Variants in TSBP1 observed in about 807,000 individuals in gnomAD.
TSBP1 encodes testis-expressed basic protein 1.
TSBP1 carries 56 observed loss-of-function variants against 68.8 expected under a neutral mutation model. That is an observed-to-expected ratio of 0.81 (90% confidence interval 0.66 to 1.02). The LOEUF (loss-of-function observed/expected upper bound fraction) is 1.02. Ranked by LOEUF, TSBP1 falls within the 50% of genes least tolerant of loss-of-function variation. The pLI is 0.00. For missense variants in TSBP1, 502 were observed against 641.2 expected (o/e 0.78, Z 2.34); for synonymous variants, 171 against 208.7 (o/e 0.82, Z 1.56).
chr6:32,338,884 G>T lies in TSBP1; in HGVS notation c.409+95C>A, dbSNP rs1769988132. 3 of 727,900 alleles carry T rather than the reference G, an allele frequency of 4.1e-6. No homozygotes were observed. Among genetic ancestry groups the T allele is most frequent in the Admixed American group, 2.7e-5 (1 of 37,058 alleles). 45.1% of individuals were successfully genotyped at this position (727,900 alleles called of 1,614,324 possible). On this transcript the variant is annotated intron_variant, in intron 11 of 22. Transcript: ENST00000612031. The surrounding 1 kb of genome is among the most constrained non-coding windows in gnomAD (Gnocchi z 5.5). The stretch of plus-strand genomic sequence containing the variant: ...GGAAAGGAATGGACAATTTGTGAAA[G>T]AAATAAAAAAATCTAGGAATATGAG...
Position 32,299,993 on chromosome 6 carries a change from C to T in TSBP1, c.623-57G>A, listed in dbSNP as rs530179267. On this transcript the variant is annotated intron_variant, in intron 21 of 22. Transcript: ENST00000612031. The stretch of plus-strand genomic sequence containing the variant: ...AGGATTTTCTAACTCAAGAGAAACC[C>T]ACCTTCCAATAGTATCCTTCCTAGG... 8.6e-6 allele frequency: 12 copies of T among 1,396,880 alleles called. No individual in the cohort carries two copies. The South Asian group carries it at 1.3e-4, about 15-fold the overall frequency. The allele number at this position is 1,396,880 out of a possible 1,614,324, so 86.5% of individuals were successfully genotyped here.
chr6:32,367,916 T>A lies in TSBP1; in HGVS notation c.166+9A>T, dbSNP rs1161974413. On this transcript the variant is annotated intron_variant, in intron 4 of 22. Transcript: ENST00000612031. ...TCATTAACTGTCTAGTAGTTCCTAA[T>A]CTATTTACCTCTACCATCCTCATAG... The A allele has an allele frequency of 6.2e-7, 1 of 1,602,422 alleles. No individual in the cohort carries two copies. Among genetic ancestry groups the A allele is most frequent in the Non-Finnish European group, 8.5e-7 (1 of 1,170,868 alleles).
intron 17 of TSBP1, chr6:32,323,384 C>A: frequency 1.4e-6 from 1 of 714,088 alleles, no homozygotes; most frequent in East Asian, 2.7e-5. Context: ...AGAGGAGATA[C>A]AAAGTAAATA....
At chr6:32,371,655 T>C in intron 1 of TSBP1, 39 bp downstream of exon 1, 1 of 1,463,888 alleles carries the variant, frequency 6.8e-7, no homozygotes. Flanking sequence ...CCTGAACTAC[T>C]AGAGTTGAGG....
intron 21 of TSBP1, 114 bp downstream of exon 24, chr6:32,300,566 G>T: frequency 1.2e-6 from 1 of 849,882 alleles, no homozygotes; most frequent in Non-Finnish European, 2.0e-6. Context: ...ACTTATTGAA[G>T]AAATATTGAC....
chr6:32,336,916 A>G lies in TSBP1; in HGVS notation c.410-281T>C, dbSNP rs1416740420. ...ATTATTTGGCTTTCCCTTGTCCTAA[A>G]CTCAGTAGCAATTCAGGATATTGTG... On this transcript the variant is annotated intron_variant, in intron 11 of 22. Coordinates refer to ENST00000612031, the Ensembl canonical transcript of TSBP1. This position sits in a 1 kb window ranked among gnomAD's most constrained non-coding sequence, Gnocchi z 5.2. Among the ~76,000 whole-genome samples, 5 of 152,224 alleles carry G rather than the reference A, an allele frequency of 3.3e-5. No homozygotes were observed. The highest frequency in any genetic ancestry group is 7.3e-5 in the Non-Finnish European group (5 of 68,042).
chr6:32,328,741 C>T lies in TSBP1; in HGVS notation c.514+1848G>A, dbSNP rs182857265. Reference sequence around the variant, plus strand: ...CAAATTTTTGTATTTTTAGTAGAGACGGGGTTTCACCATGTTTGTCAGGCT... The same window carrying T: ...CAAATTTTTGTATTTTTAGTAGAGATGGGGTTTCACCATGTTTGTCAGGCT... On this transcript the variant is annotated intron_variant, in intron 16 of 22. Transcript: ENST00000612031. Among the ~76,000 whole-genome samples, 183 of 151,810 alleles carry T rather than the reference C, an allele frequency of 1.2e-3. 1 individual carries two copies. The highest frequency in any genetic ancestry group is 3.2e-3 in the African/African-American group (133 of 41,372).
At position 32,300,662 on chromosome 6, in the gene TSBP1, G is replaced by A; in HGVS notation, c.622+18C>T. ...TAGGCACAGAAATAGGTAAGGCAAGGAAATGATCCAAACTTACTGATTTTT... is the reference window on the plus strand; with the variant it reads ...TAGGCACAGAAATAGGTAAGGCAAGAAAATGATCCAAACTTACTGATTTTT... On this transcript the variant is annotated intron_variant, in intron 21 of 22. Transcript: ENST00000612031. 4 of 1,611,760 alleles carry A rather than the reference G, an allele frequency of 2.5e-6. No homozygotes were observed. The highest frequency in any genetic ancestry group is 3.4e-6 in the Non-Finnish European group (4 of 1,178,910).
intron 20 of TSBP1, among the ~76,000 whole-genome samples, chr6:32,301,042 T>C (rs1765234424): frequency 6.6e-6 from 1 of 152,074 alleles, no homozygotes; most frequent in Non-Finnish European, 1.5e-5. Flanking sequence ...TTTTTTAATA[T>C]ATTTTTTTGA....
intron 21 of TSBP1, among the ~76,000 whole-genome samples, 193 bp downstream of exon 24, chr6:32,300,487 C>T (rs1370179082): frequency 6.6e-6 from 1 of 151,980 alleles, no homozygotes. Flanking sequence ...GAATCAAACA[C>T]AAGACCATTA....
chr6:32,332,109 T>C, intron 14 of TSBP1, 55 bp from the exon 16 acceptor site: 1 of 1,346,494 alleles, frequency 7.4e-7, no homozygotes, highest in South Asian at 1.2e-5. Flanking sequence ...AGTGTATTTT[T>C]CACTAATTTT....
chr6:32,339,350 T>C (rs993983668), intron 10 of TSBP1: 10 of 607,356 alleles, frequency 1.6e-5, no homozygotes, highest in Non-Finnish European at 2.7e-5. Context: ...TTAGAGGATC[T>C]TGAAATCAGT....
chr6:32,315,502 C>T lies in TSBP1; in HGVS notation c.580+270G>A, dbSNP rs1386903414. 1.3e-5 allele frequency among the ~76,000 whole-genome samples: 2 copies of T among 152,082 alleles called. No individual in the cohort carries two copies. Among genetic ancestry groups the T allele is most frequent in the Non-Finnish European group, 2.9e-5 (2 of 67,982 alleles). On this transcript the variant is annotated intron_variant, in intron 19 of 22. Coordinates refer to ENST00000612031, the Ensembl canonical transcript of TSBP1. The surrounding 1 kb of genome is among the most constrained non-coding windows in gnomAD (Gnocchi z 5.4). ...GCTTGGACTCGGCAGGTGGAGGTTG[C>T]AGTGAGCCTAGATCACGCCACTGCA...
chr6:32,367,052 C>CGT (rs3038518), intron 4 of TSBP1, among the ~76,000 whole-genome samples: 10,613 of 148,386 alleles, frequency 0.072, 478 homozygotes, highest in African/African-American at 0.11. Flanking sequence ...ATGCTTGTAG[C>CGT]GTGTGTGTGT....
chr6:32,365,474 T>C lies in TSBP1; in HGVS notation c.217+693A>G, dbSNP rs1283134661. On this transcript the variant is annotated intron_variant, in intron 6 of 22. Transcript: ENST00000612031. The surrounding 1 kb of genome is among the most constrained non-coding windows in gnomAD (Gnocchi z 4.3). ...GGTCACGCATCTCAAATGGCAGGCT[T>C]TCTGATGAGGCTTTCTGATGAGTGG... The C allele has an allele frequency of 2.2e-6, 1 of 456,648 alleles. No individual in the cohort carries two copies. Among genetic ancestry groups the C allele is most frequent in the Non-Finnish European group, 4.4e-6 (1 of 227,000 alleles). 28.3% of individuals were successfully genotyped at this position (456,648 alleles called of 1,614,324 possible).
At chr6:32,313,202 C>A (rs1766593359) in intron 19 of TSBP1, among the ~76,000 whole-genome samples, 1 of 151,820 alleles carries the variant, frequency 6.6e-6, no homozygotes, top group South Asian at 2.1e-4. Context: ...CCCTTCTATA[C>A]CATCTTTCTT....
chr6:32,362,739 A>G (rs1251814968), intron 6 of TSBP1, among the ~76,000 whole-genome samples: 2 of 152,150 alleles, frequency 1.3e-5, no homozygotes, highest in Non-Finnish European at 2.9e-5. Context: ...GGAACTTTTC[A>G]CTGTTTTATT....
At chr6:32,342,129 T>C (rs1770439421) in intron 9 of TSBP1, among the ~76,000 whole-genome samples, 1 of 151,684 alleles carries the variant, frequency 6.6e-6, no homozygotes, top group East Asian at 1.9e-4. Context: ...TTTTCCTCCC[T>C]TCTCCATTCA....
At position 32,339,005 on chromosome 6, in the gene TSBP1, A is replaced by C. The variant is rs1185085728; in HGVS notation, c.389-6T>G. The C allele has an allele frequency of 2.5e-6, 4 of 1,611,364 alleles. No individual in the cohort carries two copies. The highest frequency in any genetic ancestry group is 3.4e-6 in the Non-Finnish European group (4 of 1,178,528). The stretch of plus-strand genomic sequence containing the variant: ...CATGGCTCCTGCAGTTCTGGCTAAA[A>C]TACAAACAAAAAAGGTGAGTTTGAA... On this transcript the variant is annotated splice_region_variant and splice_polypyrimidine_tract_variant and intron_variant, in intron 10 of 22. Coordinates refer to ENST00000612031, the Ensembl canonical transcript of TSBP1.
Sources: gnomAD v4.1 joint callset for allele counts (sites outside exome capture counted in the v4.1 genomes callset) on GRCh38, gnomAD v4.1.1 for gene constraint, Gnocchi (gnomAD v3.1) non-coding constraint, MANE v1.5 for transcripts, NCBI Gene and HGNC (gene_info 2026-07-23, HGNC 2026-07-21) for gene names.